Variants in LARGE1 observed in about 807,000 individuals in gnomAD.
LARGE1 encodes xylosyl- and glucuronyltransferase LARGE1.
A neutral mutation model predicts 87.6 loss-of-function variants in LARGE1; 43 were observed. The observed-to-expected ratio is 0.49, with a 90% CI of 0.38 to 0.63. The LOEUF (loss-of-function observed/expected upper bound fraction) is 0.63. LARGE1 is among the 30% of genes least tolerant of loss of function. The probability of loss-of-function intolerance (pLI) is 0.00; values close to 1 mark genes in which losing one functional copy is unlikely to be tolerated. For missense variants in LARGE1, 802 were observed against 1,000.2 expected, an observed-to-expected ratio of 0.80 and a Z score of 2.67; for synonymous variants, 434 against 394.6, an observed-to-expected ratio of 1.10 and a Z score of -1.18.
At chr22:33,203,627 C>T (rs1924527176) in intron 11 of LARGE1, among the ~76,000 whole-genome samples, 1 of 152,078 alleles carries the variant, frequency 6.6e-6, no homozygotes, top group African/African-American at 2.4e-5. Flanking sequence ...GGGAGGCAAG[C>T]AGAGATGATA....
Position 33,233,314 on chromosome 22 carries a change from C to T in LARGE1, c.1731-66482G>A, listed in dbSNP as rs549363135. 6.2e-4 allele frequency among the ~76,000 whole-genome samples: 94 copies of T among 151,746 alleles called. 1 individual carries two copies. Among genetic ancestry groups the T allele is most frequent in the African/African-American group, 2.2e-3 (92 of 41,190 alleles). ...ATGATGATGATGATAATGATGATGA[C>T]AATGATGATGATACAATAATAGCAG... On this transcript the variant is annotated intron_variant, in intron 11 of 11. Transcript: ENST00000608642.
chr22:33,872,535 C>A (rs2064328232), intron 1 of LARGE1, among the ~76,000 whole-genome samples: 1 of 152,112 alleles, frequency 6.6e-6, no homozygotes, highest in Non-Finnish European at 1.5e-5. Context: ...CCCCCAGCGA[C>A]ACACTAGCTG....
chr22:33,331,368 G>A (rs961778032), intron 10 of LARGE1, among the ~76,000 whole-genome samples: 1 of 151,518 alleles, frequency 6.6e-6, no homozygotes, highest in Admixed American at 6.6e-5. Flanking sequence ...AACTTGTGCA[G>A]CTCTTTCTTT....
intron 6 of LARGE1, among the ~76,000 whole-genome samples, chr22:33,432,958 T>C (rs5998940): frequency 1.3e-5 from 2 of 152,058 alleles, no homozygotes; most frequent in Non-Finnish European, 2.9e-5. Context: ...CTGGCGTTGA[T>C]GTTGGCCTCA....
intron 11 of LARGE1, among the ~76,000 whole-genome samples, chr22:33,221,233 T>A (rs1454069228): frequency 6.6e-6 from 1 of 151,934 alleles, no homozygotes; most frequent in Non-Finnish European, 1.5e-5. Flanking sequence ...CCACACACGA[T>A]TCTGATTACA....
intron 5 of LARGE1, among the ~76,000 whole-genome samples, chr22:33,585,792 C>T (rs1174767796): frequency 6.6e-6 from 1 of 152,190 alleles, no homozygotes; most frequent in East Asian, 1.9e-4. Flanking sequence ...ACTGTAGCTG[C>T]ACAAAGGGAT....
intron 3 of LARGE1, among the ~76,000 whole-genome samples, chr22:33,644,346 C>T (rs189785164): frequency 1.1e-3 from 169 of 152,144 alleles, no homozygotes; most frequent in African/African-American, 3.5e-3. Flanking sequence ...AGAAGGTCTT[C>T]GATAAAATTC....
intron 5 of LARGE1, among the ~76,000 whole-genome samples, chr22:33,571,251 G>A (rs1005227361): frequency 7.9e-5 from 12 of 152,154 alleles, no homozygotes; most frequent in Admixed American, 7.9e-4. Context: ...GGGGGGTTGG[G>A]GATGCTCTCA....
rs577813705 is a variant in LARGE1 at position 33,852,289 on chromosome 22, G to A, written c.-83+67706C>T. Among the ~76,000 whole-genome samples the A allele has an allele frequency of 6.6e-5, 10 of 152,266 alleles. No individual in the cohort carries two copies. In the South Asian group the frequency reaches 1.5e-3, roughly 22 times the overall value. ...AAAGAGGCCTCTGAGCTGAGAAACT[G>A]AAACCGATGCTCCCAGATGAAGTTT... is the stretch of plus-strand genomic sequence containing the variant. On this transcript the variant is annotated intron_variant, in intron 1 of 14. Transcript: ENST00000397394.
intron 12 of LARGE1, among the ~76,000 whole-genome samples, chr22:33,302,995 T>C (rs1183507682): frequency 6.6e-6 from 1 of 152,204 alleles, no homozygotes; most frequent in African/African-American, 2.4e-5. Context: ...ATTGGCATAA[T>C]TCATGCTGAC....
rs139694569 is a variant in LARGE1, at chr22:33,790,412, T to C, written c.-82-28854A>G. ...ACACCCAGTAGCCCCTCAATAACTA[T>C]TGTGAAGGGAAACTGGCCTACACTG... On this transcript the variant is annotated intron_variant, in intron 1 of 14. Transcript: ENST00000397394. Among the ~76,000 whole-genome samples the C allele has an allele frequency of 3.0e-3, 453 of 152,282 alleles. 4 individuals are homozygous for C. Among genetic ancestry groups the C allele is most frequent in the African/African-American group, 0.01 (428 of 41,542 alleles).
At chr22:33,694,512 GTC>G (rs1203905209) in intron 2 of LARGE1, among the ~76,000 whole-genome samples, 4 of 152,158 alleles carry the variant, frequency 2.6e-5, no homozygotes, top group Non-Finnish European at 4.4e-5. Context: ...ATCAATAAAT[GTC>G]TCTTTGTGTG....
chr22:33,816,453 T>C (rs1601685758), intron 1 of LARGE1, among the ~76,000 whole-genome samples: 1 of 152,106 alleles, frequency 6.6e-6, no homozygotes, highest in East Asian at 1.9e-4. Flanking sequence ...CGTCCTCACA[T>C]GGTGAAAGGC....
chr22:33,333,931 C>G (rs552063759), intron 10 of LARGE1, among the ~76,000 whole-genome samples: 5 of 151,182 alleles, frequency 3.3e-5, no homozygotes, highest in African/African-American at 1.2e-4. Context: ...CCAGCCTGGC[C>G]GACACAGCGA....
chr22:33,852,871 AAAAAAAAAGAAAGAAAG>A (rs1418497953), intron 1 of LARGE1, among the ~76,000 whole-genome samples: 15 of 110,452 alleles, frequency 1.4e-4, no homozygotes, highest in African/African-American at 8.2e-4. Flanking sequence ...AAAAAAAAAA[AAAAAAAAAGAAAGAAAG>A]AAAGAAAGAA....
intron 2 of LARGE1, among the ~76,000 whole-genome samples, chr22:33,695,111 T>TC (rs2082205056): frequency 1.3e-5 from 2 of 150,226 alleles, no homozygotes; most frequent in African/African-American, 2.4e-5. Flanking sequence ...TTTCTTTCTT[T>TC]TTTTTTTTTT....
chr22:33,146,849 A>G, the LARGE1 span, among the ~76,000 whole-genome samples: 3 of 152,244 alleles, frequency 2.0e-5, no homozygotes, highest in South Asian at 2.1e-4. Context: ...AAGTCAATGT[A>G]TAAAACATTT....
At chr22:33,085,687 G>T in the LARGE1 span, among the ~76,000 whole-genome samples, 1 of 152,266 alleles carries the variant, frequency 6.6e-6, no homozygotes, top group South Asian at 2.1e-4. Context: ...TTAGAAAAAT[G>T]TGTAATATAA....
At chr22:33,649,874 C>G (rs1344585690) in intron 3 of LARGE1, among the ~76,000 whole-genome samples, 5 of 152,172 alleles carry the variant, frequency 3.3e-5, no homozygotes, top group Non-Finnish European at 7.3e-5. Context: ...TGATATTAGG[C>G]TATAAAAGTT....
Sources: gnomAD v4.1 joint callset for allele counts (sites outside exome capture counted in the v4.1 genomes callset) on GRCh38, gnomAD v4.1.1 for gene constraint, MANE v1.5 for transcripts, NCBI Gene and HGNC (gene_info 2026-07-23, HGNC 2026-07-21) for gene names.